Variants in AGBL1 observed in about 807,000 individuals in gnomAD.
The protein encoded by AGBL1 is cytosolic carboxypeptidase 4.
A neutral mutation model predicts 118.9 loss-of-function variants in AGBL1; 130 were observed. The ratio of observed to expected loss-of-function variants is 1.09; its 90% CI spans 0.95 to 1.26. AGBL1 has a LOEUF of 1.26. Among genes scored for constraint, AGBL1 ranks in the 50% most tolerant of loss-of-function variants. AGBL1 has a pLI of 0.00. For missense variants in AGBL1, 1,584 were observed against 1,298.1 expected, an observed-to-expected ratio of 1.22 and a Z score of -3.38; for synonymous variants, 555 against 478.9, an observed-to-expected ratio of 1.16 and a Z score of -2.08.
At chr15:86,811,690 CAA>C (rs1475992191) in intron 22 of AGBL1, among the ~76,000 whole-genome samples, 2 of 152,110 alleles carry the variant, frequency 1.3e-5, no homozygotes, top group African/African-American at 4.8e-5. Flanking sequence ...GTTTGGAACT[CAA>C]ACAGTCCCAA....
chr15:86,954,624 G>A (rs931111511), intron 23 of AGBL1, among the ~76,000 whole-genome samples: 2 of 152,080 alleles, frequency 1.3e-5, no homozygotes, highest in East Asian at 1.9e-4. Flanking sequence ...ATAAACATGG[G>A]AACATAGACG....
chr15:86,995,085 G>A (rs1467887074), intron 24 of AGBL1, among the ~76,000 whole-genome samples: 3 of 152,058 alleles, frequency 2.0e-5, no homozygotes, highest in Non-Finnish European at 4.4e-5. Flanking sequence ...AGTAAATTGT[G>A]CTTTTAAAAT....
chr15:86,701,638 T>TCCTCC (rs373433979), intron 22 of AGBL1, among the ~76,000 whole-genome samples: 4 of 150,582 alleles, frequency 2.7e-5, no homozygotes, highest in Admixed American at 6.6e-5. Context: ...TCCTCTCCTC[T>TCCTCC]CCTCCCCTCC....
In AGBL1 at chr15:86,264,752, C is replaced by A. The variant is rs367677892; in HGVS notation, c.1581C>A (p.Phe527Leu). 1.2e-6 allele frequency: 2 copies of A among 1,613,910 alleles called. No homozygotes were observed. Among genetic ancestry groups the A allele is most frequent in the African/African-American group, 2.7e-5 (2 of 74,946 alleles). ...GAAGAACCAGCTCTGTGGTGGACTT[C>A]AAGATGATGGCATTTCCTGATGTCT... ...KARRTSSVVDFKMMAFPDVWG... is the reference protein window; with the variant it reads ...KARRTSSVVDLKMMAFPDVWG... The change falls in exon 11 of 23, where the codon TTC (phenylalanine) becomes TTA (leucine). Residue 527 changes from phenylalanine (F) to leucine (L), a missense_variant. Phe to Leu is a conservative substitution (Grantham distance 22). Coordinates refer to ENST00000614907, the MANE Select transcript of AGBL1 (RefSeq NM_001386094.1).
chr15:86,655,955 T>G (rs2085456559), intron 21 of AGBL1, among the ~76,000 whole-genome samples: 1 of 152,222 alleles, frequency 6.6e-6, no homozygotes, highest in Non-Finnish European at 1.5e-5. Flanking sequence ...TTTGCCTCCC[T>G]GAGCATCAGT....
In AGBL1 at chr15:86,910,681, C is replaced by T. The variant is rs2080338249; in HGVS notation, c.*3387C>T. The T allele has an allele frequency of 1.3e-5, 2 of 152,248 alleles. No individual in the cohort carries two copies. The highest frequency in any genetic ancestry group is 4.8e-5 in the African/African-American group (2 of 41,538). The allele number at this position is 152,248 out of a possible 1,614,324, so 9.4% of individuals were successfully genotyped here. On this transcript the variant is annotated 3_prime_UTR_variant, in exon 23 of 23. Transcript: ENST00000614907. ...AATGTTGGTGGCCTACATGATAGCCCGTTCGAAAGGTTTCCTAGAAATCAG... is the reference window on the plus strand; with the variant it reads ...AATGTTGGTGGCCTACATGATAGCCTGTTCGAAAGGTTTCCTAGAAATCAG...
At chr15:86,220,949 T>A (rs988756508) in intron 5 of AGBL1, among the ~76,000 whole-genome samples, 1 of 152,078 alleles carries the variant, frequency 6.6e-6, no homozygotes, top group African/African-American at 2.4e-5. Context: ...CCTGTAATCC[T>A]AGCACTTTGG....
At chr15:87,029,841 A>T (rs1191379015), downstream of AGBL1, among the ~76,000 whole-genome samples, 2 of 152,076 alleles carry the variant, frequency 1.3e-5, no homozygotes, top group East Asian at 3.9e-4. Flanking sequence ...ACACATGCAC[A>T]CACAAAAGCC....
intron 6 of AGBL1, among the ~76,000 whole-genome samples, chr15:86,236,343 CTT>C (rs10531800): frequency 0.012 from 1,761 of 143,612 alleles, 19 homozygotes; most frequent in African/African-American, 0.033. Flanking sequence ...GAAACTACTA[CTT>C]TTTTTTTTTT....
rs995611245 is a variant in AGBL1, at chr15:86,465,770, T to C, written c.2556-57040T>C. On this transcript the variant is annotated intron_variant, in intron 18 of 22. Transcript: ENST00000614907. ...GTTCTCAAACACTGTTTGTTTCCTG[T>C]TAAGATGTTTATCAATGACAATGTG... 3.9e-5 allele frequency among the ~76,000 whole-genome samples: 6 copies of C among 152,190 alleles called. No individual in the cohort carries two copies. The East Asian group carries it at 7.7e-4, about 20-fold the overall frequency.
At chr15:86,275,462 G>T (rs2079235914) in intron 15 of AGBL1, among the ~76,000 whole-genome samples, 2 of 152,158 alleles carry the variant, frequency 1.3e-5, no homozygotes, top group African/African-American at 4.8e-5. Context: ...GTTAAACAGA[G>T]CCATTGTCAT....
chr15:86,958,866 G>T (rs977713676), intron 23 of AGBL1, among the ~76,000 whole-genome samples: 3 of 152,030 alleles, frequency 2.0e-5, no homozygotes, highest in Non-Finnish European at 4.4e-5. Context: ...GAATTAGCTA[G>T]ATTTAAAAAT....
At chr15:86,992,386 G>C (rs1394129656) in intron 24 of AGBL1, among the ~76,000 whole-genome samples, 1 of 152,102 alleles carries the variant, frequency 6.6e-6, no homozygotes, top group Non-Finnish European at 1.5e-5. Flanking sequence ...CAAATATTTA[G>C]TTAATGCAAA....
At chr15:86,516,291 C>A (rs1212242768) in intron 18 of AGBL1, among the ~76,000 whole-genome samples, 3 of 152,166 alleles carry the variant, frequency 2.0e-5, no homozygotes, top group Non-Finnish European at 2.9e-5. Context: ...ATCTTTGTAG[C>A]TATCTTATTT....
intron 17 of AGBL1, among the ~76,000 whole-genome samples, chr15:86,313,335 C>A (rs1306634895): frequency 6.6e-6 from 1 of 152,194 alleles, no homozygotes; most frequent in Non-Finnish European, 1.5e-5. Flanking sequence ...AGAATTCCCA[C>A]ATACCAAATT....
chr15:86,933,476 T>C (rs1187595237), intron 23 of AGBL1, among the ~76,000 whole-genome samples: 2 of 152,186 alleles, frequency 1.3e-5, no homozygotes, highest in African/African-American at 2.4e-5. Context: ...ACTTCCCCAA[T>C]TGCTCTCATA....
At chr15:86,204,656 C>G (rs145876170) in intron 5 of AGBL1, among the ~76,000 whole-genome samples, 1 of 152,164 alleles carries the variant, frequency 6.6e-6, no homozygotes, top group Admixed American at 6.5e-5. Context: ...GTGGTGCAAT[C>G]TTGGCTCACT....
chr15:87,014,599 C>T (rs1359368667), intron 24 of AGBL1, among the ~76,000 whole-genome samples: 1 of 152,134 alleles, frequency 6.6e-6, no homozygotes, highest in South Asian at 2.1e-4. Context: ...AAGAAGTGTT[C>T]AGATTAACGG....
At chr15:86,585,282 A>C (rs2084228953) in intron 21 of AGBL1, among the ~76,000 whole-genome samples, 2 of 152,130 alleles carry the variant, frequency 1.3e-5, no homozygotes, top group South Asian at 4.1e-4. Flanking sequence ...AGTGTGATGG[A>C]GTCAGAAGAT....
Sources: allele counts gnomAD v4.1 joint callset (sites outside exome capture counted in the v4.1 genomes callset), GRCh38; gene constraint gnomAD v4.1.1; transcripts MANE v1.5; gene names NCBI Gene and HGNC (gene_info 2026-07-23, HGNC 2026-07-21).